Variants in CSF1R observed in about 807,000 individuals in gnomAD.
CSF1R encodes colony stimulating factor 1 receptor.
In CSF1R, 40 loss-of-function variants were observed where a neutral mutation model predicts 110.0. The observed-to-expected ratio is 0.36, with a 90% CI of 0.28 to 0.47. CSF1R has a LOEUF of 0.47. Ranked by LOEUF, CSF1R falls within the 20% of genes least tolerant of loss-of-function variation. The pLI, the probability that CSF1R is intolerant of heterozygous loss-of-function variation, is 0.99. For synonymous variants in CSF1R, 523 were observed against 503.4 expected (o/e 1.04, Z -0.52); for missense variants, 1,052 against 1,253.0 (o/e 0.84, Z 2.42).
chr5:150,085,140 A>G (rs995982683), intron 1 of CSF1R, among the ~76,000 whole-genome samples: 7 of 151,958 alleles, frequency 4.6e-5, no homozygotes, highest in Admixed American at 2.0e-4. Context: ...TTAGCCAGTC[A>G]TGATGGTGTA....
At chr5:150,088,089 T>C (rs954786957), upstream of CSF1R, among the ~76,000 whole-genome samples, 2 of 152,114 alleles carry the variant, frequency 1.3e-5, no homozygotes, top group African/African-American at 2.4e-5. Context: ...TCCAGGAAAA[T>C]GATCATTCCC....
chr5:150,063,411 C>A (rs185845105), intron 10 of CSF1R, among the ~76,000 whole-genome samples: 155 of 151,960 alleles, frequency 1.0e-3, no homozygotes, highest in African/African-American at 2.6e-3. Flanking sequence ...TGCAGTGGCA[C>A]GATCATAGCT....
At chr5:150,087,934 C>T (rs554094088), upstream of CSF1R, among the ~76,000 whole-genome samples, 1 of 152,214 alleles carries the variant, frequency 6.6e-6, no homozygotes, top group African/African-American at 2.4e-5. Flanking sequence ...TGGGGTTTCA[C>T]CATGTTGTCC....
chr5:150,084,352 A>C (rs1758705302), intron 1 of CSF1R, among the ~76,000 whole-genome samples: 1 of 31,912 alleles, frequency 3.1e-5, no homozygotes, highest in Non-Finnish European at 5.7e-5. Context: ...AAAAAGAAAG[A>C]AAGAAAGAAA....
intron 3 of CSF1R, among the ~76,000 whole-genome samples, chr5:150,078,785 T>C (rs1198127481): frequency 1.3e-5 from 2 of 152,112 alleles, no homozygotes; most frequent in Non-Finnish European, 2.9e-5. Context: ...GGAATGCCTT[T>C]CCTCCCACAC....
chr5:150,105,801 A>G (rs78460289), intron 1 of CSF1R, among the ~76,000 whole-genome samples: 2,310 of 152,318 alleles, frequency 0.015, 62 homozygotes, highest in African/African-American at 0.051. Flanking sequence ...GGCTGAGATT[A>G]CATGTGTGAG....
chr5:150,077,533 T>A, intron 4 of CSF1R, 98 bp from the exon 5 acceptor site: 1 of 1,317,864 alleles, frequency 7.6e-7, no homozygotes, highest in Non-Finnish European at 1.1e-6. Flanking sequence ...CTATCTGCCT[T>A]TCCTCTGAGC....
chr5:150,073,503 A>G lies in CSF1R; in HGVS notation c.890-10T>C. 5 of 1,608,440 alleles carry G rather than the reference A, an allele frequency of 3.1e-6. No homozygotes were observed. In the South Asian group the frequency reaches 5.5e-5, roughly 18 times the overall value. On this transcript the variant is annotated splice_polypyrimidine_tract_variant and intron_variant, in intron 5 of 20. Transcript: ENST00000675795. ...TTCAAGTAGGCACTCTCTGGAAAGC[A>G]GAACACACAAGCATCTGGCATTAGT... is the stretch of plus-strand genomic sequence containing the variant.
rs773356514 is a variant in CSF1R, at chr5:150,073,417, T to C, written c.966A>G (p.Lys322=). 8.1e-6 allele frequency: 13 copies of C among 1,613,986 alleles called. No individual in the cohort carries two copies. Among genetic ancestry groups the C allele is most frequent in the Non-Finnish European group, 1.1e-5 (13 of 1,180,018 alleles). ...GGCCTGGGTAGGCCTCCACCATGACTTTGAGGTTGAGCCCCTCCCCCACGG... is the reference window on the plus strand; with the variant it reads ...GGCCTGGGTAGGCCTCCACCATGACCTTGAGGTTGAGCCCCTCCCCCACGG... The part of the protein sequence containing the change: ...EVTVGEGLNL[K]VMVEAYPGLQ... The change falls in exon 6 of 21, where the codon AAA becomes AAG. Residue 322 remains lysine, a synonymous_variant. Coordinates refer to ENST00000675795, the MANE Select transcript of CSF1R (RefSeq NM_001288705.3).
At position 150,053,820 on chromosome 5, in the gene CSF1R, T is replaced by C. The variant is rs543512013; in HGVS notation, c.*249A>G. ...CATAGCAAACACGAGGCCAACACCA[T>C]GAGAACAGTAGGGGAGGGGGGGGTG... On this transcript the variant is annotated 3_prime_UTR_variant, in exon 21 of 21. Transcript: ENST00000675795. 6.2e-5 allele frequency: 34 copies of C among 551,860 alleles called. No individual in the cohort carries two copies. Among genetic ancestry groups the C allele is most frequent in the East Asian group, 3.3e-4 (11 of 33,392 alleles). The allele number at this position is 551,860 out of a possible 1,614,324, so 34.2% of individuals were successfully genotyped here.
At chr5:150,109,060 C>CCCCCCA (rs1554106347) in intron 1 of CSF1R, among the ~76,000 whole-genome samples, 1 of 15,530 alleles carries the variant, frequency 6.4e-5, no homozygotes, top group Non-Finnish European at 1.8e-4. Context: ...AGAAGCCCGC[C>CCCCCCA]CCCCCCCCAC....
At position 150,057,565 on chromosome 5, in the gene CSF1R, C is replaced by T. The variant is rs1031529577; in HGVS notation, c.2160G>A (p.Val720=). ...CAGGCCTCATCTCCACATAGGTGTC[C>T]ACACCCTGGCTGGAGAAGCCACTGT... ...RRDSGFSSQG[V]DTYVEMRPVS... is the part of the protein sequence containing the mutation. The change falls in exon 15 of 21, where the codon GTG becomes GTA. Residue 720 remains valine (V), a synonymous_variant. Coordinates refer to ENST00000675795, the MANE Select transcript of CSF1R (RefSeq NM_001288705.3). 2 of 1,614,078 alleles carry T rather than the reference C, an allele frequency of 1.2e-6. No homozygotes were observed. Among genetic ancestry groups the T allele is most frequent in the African/African-American group, 2.7e-5 (2 of 74,944 alleles).
At chr5:150,071,104 T>G (rs1418121538) in intron 6 of CSF1R, among the ~76,000 whole-genome samples, 1 of 152,154 alleles carries the variant, frequency 6.6e-6, no homozygotes, top group Non-Finnish European at 1.5e-5. Context: ...GAGAGTGATA[T>G]CGATGGTTAT....
At chr5:150,087,675 T>C (rs933591621), upstream of CSF1R, among the ~76,000 whole-genome samples, 1 of 152,234 alleles carries the variant, frequency 6.6e-6, no homozygotes, top group Non-Finnish European at 1.5e-5. Flanking sequence ...CCTCTTTTAG[T>C]TGATTCGCTT....
At chr5:150,090,787 A>G (rs932789076), upstream of CSF1R, among the ~76,000 whole-genome samples, 4 of 152,182 alleles carry the variant, frequency 2.6e-5, no homozygotes, top group African/African-American at 9.6e-5. Flanking sequence ...CCACACGGAT[A>G]TAAAGATGGA....
intron 10 of CSF1R, among the ~76,000 whole-genome samples, chr5:150,065,949 C>T (rs1757751812): frequency 6.6e-6 from 1 of 152,234 alleles, no homozygotes; most frequent in East Asian, 1.9e-4. Context: ...ACTGTCCTGG[C>T]AGCTCTGTGG....
rs549157182 is a variant in CSF1R at position 150,061,092 on chromosome 5, G to A, written c.1859-120C>T. 3.2e-4 allele frequency: 209 copies of A among 660,032 alleles called. No individual in the cohort carries two copies. In the East Asian group the frequency reaches 5.0e-3, roughly 16 times the overall value. 40.9% of individuals were successfully genotyped at this position (660,032 alleles called of 1,614,324 possible). ...GAAAGCAGGGCATACCCCAAGACCC[G>A]GAGTGACCAGAAGCCAAAAGAAGGA... On this transcript the variant is annotated intron_variant, in intron 12 of 20. Transcript: ENST00000675795.
At chr5:150,077,113 A>T (rs1324297823) in intron 5 of CSF1R, 163 bp downstream of exon 5, 1 of 841,482 alleles carries the variant, frequency 1.2e-6, no homozygotes. Context: ...GGTAAGGGAA[A>T]GCTCCTGGAG....
chr5:150,087,390 C>A (rs1270179924), upstream of CSF1R, among the ~76,000 whole-genome samples: 1 of 152,158 alleles, frequency 6.6e-6, no homozygotes, highest in East Asian at 1.9e-4. Context: ...TTTAGTACTG[C>A]AAAACTTTAT....
Sources: gnomAD v4.1 joint callset for allele counts (sites outside exome capture counted in the v4.1 genomes callset) on GRCh38, gnomAD v4.1.1 for gene constraint, MANE v1.5 for transcripts, NCBI Gene and HGNC (gene_info 2026-07-23, HGNC 2026-07-21) for gene names.